The following GPHN variants were observed in gnomAD, a reference collection of about 807,000 sequenced individuals.
GPHN encodes gephyrin.
In GPHN, 17 loss-of-function variants were observed where a neutral mutation model predicts 95.5. The ratio of observed to expected loss-of-function variants is 0.18; its 90% confidence interval spans 0.12 to 0.27. GPHN has a LOEUF of 0.27. Ranked by LOEUF, GPHN falls within the 10% of genes least tolerant of loss-of-function variation. The pLI, the probability that GPHN is intolerant of heterozygous loss-of-function variation, is 1.00. For missense variants in GPHN, 660 were observed against 978.1 expected (o/e 0.67, Z 4.34); for synonymous variants, 320 against 322.5 (o/e 0.99, Z 0.08).
chr14:67,109,207 T>C (rs1354451218), intron 13 of GPHN, among the ~76,000 whole-genome samples: 3 of 152,212 alleles, frequency 2.0e-5, no homozygotes, highest in African/African-American at 7.2e-5. Flanking sequence ...GAGCAAACTA[T>C]CCTTATGCAG....
the GPHN span, chr14:67,392,568 TCTC>T: frequency 7.8e-7 from 1 of 1,284,256 alleles, no homozygotes; most frequent in South Asian, 1.3e-5. Flanking sequence ...AAGCCCAAGG[TCTC>T]CTCCCATGAC....
At chr14:67,398,338 C>T in the GPHN span, among the ~76,000 whole-genome samples, 1 of 152,124 alleles carries the variant, frequency 6.6e-6, no homozygotes, top group Non-Finnish European at 1.5e-5. Flanking sequence ...GATCCTCCCA[C>T]CTCAGAAAGG....
At chr14:66,849,780 A>C (rs1025791460) in intron 4 of GPHN, among the ~76,000 whole-genome samples, 2 of 152,094 alleles carry the variant, frequency 1.3e-5, no homozygotes, top group Non-Finnish European at 2.9e-5. Context: ...AACCACAAAG[A>C]GGAGTGTAAA....
chr14:67,477,263 G>A, the GPHN span, among the ~76,000 whole-genome samples: 4 of 151,948 alleles, frequency 2.6e-5, no homozygotes, highest in African/African-American at 4.8e-5. Context: ...ACCTTGCCCC[G>A]ATTGACATCT....
At chr14:67,456,602 CAA>C in the GPHN span, among the ~76,000 whole-genome samples, 25 of 83,932 alleles carry the variant, frequency 3.0e-4, no homozygotes, top group Admixed American at 5.6e-4. Context: ...AACTCCATCT[CAA>C]AAAAAAAAAA....
intron 9 of GPHN, among the ~76,000 whole-genome samples, chr14:66,965,836 A>G (rs980463733): frequency 6.6e-6 from 1 of 151,806 alleles, no homozygotes; most frequent in Non-Finnish European, 1.5e-5. Context: ...TTAGAAAGAA[A>G]GTTTTAATGC....
At chr14:66,579,451 G>A (rs958380271) in intron 1 of GPHN, among the ~76,000 whole-genome samples, 1 of 151,554 alleles carries the variant, frequency 6.6e-6, no homozygotes, top group African/African-American at 2.4e-5. Context: ...ACTATATGCT[G>A]TTAATAAGAG....
At chr14:66,953,861 C>T (rs938237140) in intron 8 of GPHN, among the ~76,000 whole-genome samples, 1 of 151,970 alleles carries the variant, frequency 6.6e-6, no homozygotes. Context: ...GGTGAAACCC[C>T]GTCCCTACTA....
At chr14:67,033,084 T>TA (rs917478297) in intron 10 of GPHN, among the ~76,000 whole-genome samples, 16 of 151,836 alleles carry the variant, frequency 1.1e-4, no homozygotes, top group Non-Finnish European at 2.1e-4. Context: ...TAGAAACTAT[T>TA]AAAAAAGAAC....
At chr14:66,884,141 G>A (rs1049555916) in intron 5 of GPHN, among the ~76,000 whole-genome samples, 2 of 151,946 alleles carry the variant, frequency 1.3e-5, no homozygotes, top group African/African-American at 2.4e-5. Context: ...AGACAATATC[G>A]GCTCCTTTTT....
intron 4 of GPHN, among the ~76,000 whole-genome samples, chr14:66,826,969 A>G (rs2061408023): frequency 6.6e-6 from 1 of 152,102 alleles, no homozygotes; most frequent in South Asian, 2.1e-4. Context: ...TCGTCTCATT[A>G]GCATAAACTC....
chr14:66,597,683 G>A (rs1168559728), intron 1 of GPHN, among the ~76,000 whole-genome samples: 1 of 152,152 alleles, frequency 6.6e-6, no homozygotes, highest in Non-Finnish European at 1.5e-5. Flanking sequence ...TAGGGCTCCT[G>A]CCCCTTCAAC....
chr14:66,711,238 T>C (rs1489667406), intron 2 of GPHN, among the ~76,000 whole-genome samples: 3 of 152,198 alleles, frequency 2.0e-5, no homozygotes, highest in East Asian at 1.9e-4. Context: ...ATCATTCTTA[T>C]GCCTTTGTGT....
intron 11 of GPHN, among the ~76,000 whole-genome samples, chr14:67,071,539 G>A (rs947956361): frequency 6.6e-6 from 1 of 151,840 alleles, no homozygotes; most frequent in African/African-American, 2.4e-5. Flanking sequence ...TGTAAATGAC[G>A]AGTTAATGGG....
At chr14:67,609,899 A>G in the GPHN span, among the ~76,000 whole-genome samples, 1 of 115,068 alleles carries the variant, frequency 8.7e-6, no homozygotes, top group Non-Finnish European at 1.6e-5. Flanking sequence ...GAGTCTGCAC[A>G]AGGCTCCTGT....
At chr14:66,542,584 G>T (rs2059393752) in intron 1 of GPHN, among the ~76,000 whole-genome samples, 1 of 152,056 alleles carries the variant, frequency 6.6e-6, no homozygotes, top group Admixed American at 6.6e-5. Flanking sequence ...TAGGGACATT[G>T]CTCCAGCAGT....
the GPHN span, among the ~76,000 whole-genome samples, chr14:67,329,877 A>C: frequency 2.3e-5 from 2 of 86,874 alleles, no homozygotes; most frequent in African/African-American, 1.4e-4. Flanking sequence ...TAAATAAATA[A>C]ATAGATATAG....
chr14:66,537,809 T>G (rs574641683), intron 1 of GPHN, among the ~76,000 whole-genome samples: 3 of 152,270 alleles, frequency 2.0e-5, no homozygotes, highest in African/African-American at 7.2e-5. Context: ...AAAAACTTAT[T>G]GGTACAGAAT....
chr14:67,306,180 T>G, the GPHN span, among the ~76,000 whole-genome samples: 6 of 152,098 alleles, frequency 3.9e-5, no homozygotes, highest in East Asian at 1.9e-4. Context: ...ATGTTGGCCA[T>G]GCTGGTCTCG....
Sources: gnomAD v4.1 joint callset for allele counts (sites outside exome capture counted in the v4.1 genomes callset) on GRCh38, gnomAD v4.1.1 for gene constraint, MANE v1.5 for transcripts, NCBI Gene and HGNC (gene_info 2026-07-23, HGNC 2026-07-21) for gene names.